The following TLN2 variants were observed in gnomAD, a reference collection of about 807,000 sequenced individuals.
The protein encoded by TLN2 is talin-2.
Under a neutral mutation model 294.7 loss-of-function variants are expected in TLN2, and 118 were observed. The ratio of observed to expected loss-of-function variants is 0.40; its 90% CI spans 0.34 to 0.47. The LOEUF is 0.47. Ranked by LOEUF, TLN2 falls within the 20% of genes least tolerant of loss-of-function variation. TLN2 has a pLI of 0.84. For synonymous variants in TLN2, 1,431 were observed against 1,304.5 expected (o/e 1.10, Z -2.09); for missense variants, 3,083 against 3,282.2 (o/e 0.94, Z 1.48).
intron 45 of TLN2, among the ~76,000 whole-genome samples, chr15:62,785,622 G>A (rs1341839841): frequency 7.5e-6 from 1 of 133,118 alleles, no homozygotes; most frequent in African/African-American, 2.9e-5. Flanking sequence ...CTGCCCTTTA[G>A]CCTAGGCAAC....
At chr15:62,757,669 G>A (rs548370036) in intron 37 of TLN2, among the ~76,000 whole-genome samples, 12 of 152,232 alleles carry the variant, frequency 7.9e-5, no homozygotes, top group Admixed American at 2.6e-4. Flanking sequence ...ATGAGCTCTC[G>A]TGATGGCCTA....
At chr15:62,434,887 C>G (rs190197881) in intron 1 of TLN2, among the ~76,000 whole-genome samples, 258 of 152,320 alleles carry the variant, frequency 1.7e-3, no homozygotes, top group African/African-American at 5.9e-3. Flanking sequence ...GTATTAAGCC[C>G]AGCATCCATT....
At position 62,781,238 on chromosome 15, in the gene TLN2, A is replaced by G; in HGVS notation, c.5613A>G (p.Glu1871=). Residue 1871 remains glutamate, a synonymous_variant, in exon 44 of 59, where the codon GAA becomes GAG. Coordinates refer to ENST00000636159, the MANE Select transcript of TLN2 (RefSeq NM_015059.3). ...YSKAIAVTAQ[E]MMTKSVTNPE... ...AAGCCATTGCGGTGACAGCTCAGGA[A>G]ATGGTAAGAGGGAAGAGAGCTGCCC... is the stretch of plus-strand genomic sequence containing the variant. 4.3e-6 allele frequency: 7 copies of G among 1,613,292 alleles called. No homozygotes were observed. The highest frequency in any genetic ancestry group is 1.1e-5 in the South Asian group (1 of 91,064).
chr15:62,698,179 C>T (rs1451276251), intron 15 of TLN2, among the ~76,000 whole-genome samples: 4 of 152,126 alleles, frequency 2.6e-5, no homozygotes, highest in East Asian at 1.9e-4. Context: ...TCTGAGAAGT[C>T]GACCAGGTTT....
chr15:62,518,849 C>T (rs1195422802), intron 1 of TLN2, among the ~76,000 whole-genome samples: 2 of 152,148 alleles, frequency 1.3e-5, no homozygotes, highest in Non-Finnish European at 2.9e-5. Context: ...CCACCAGCCT[C>T]AGCCTCCCAA....
At chr15:62,643,610 G>A (rs936121006) in intron 3 of TLN2, among the ~76,000 whole-genome samples, 1 of 151,854 alleles carries the variant, frequency 6.6e-6, no homozygotes. Flanking sequence ...TAAGGATGAG[G>A]AGACTGAGGA....
At position 62,805,602 on chromosome 15, in the gene TLN2, G is replaced by T; in HGVS notation, c.6480G>T (p.Val2160=). 1.3e-6 allele frequency: 2 copies of T among 1,592,644 alleles called. No individual in the cohort carries two copies. The highest frequency in any genetic ancestry group is 1.7e-6 in the Non-Finnish European group (2 of 1,165,520). The part of the protein sequence containing the change: ...TIECIKQELT[V]FQSKDVPEKT... ...ACCTCTCTGTTTCTGACTTCCAGGT[G>T]TTCCAGTCAAAAGACGTACCTGAAA... The change falls in exon 51 of 59, where the codon GTG becomes GTT. Residue 2160 remains valine, a splice_region_variant and synonymous_variant. Coordinates refer to ENST00000636159, the MANE Select transcript of TLN2 (RefSeq NM_015059.3).
At chr15:62,498,633 AT>A (rs1228150551) in intron 1 of TLN2, among the ~76,000 whole-genome samples, 1 of 152,122 alleles carries the variant, frequency 6.6e-6, no homozygotes, top group Non-Finnish European at 1.5e-5. Context: ...AAGTCTGATG[AT>A]ATCCCAGTGT....
At chr15:62,640,191 T>C (rs954696655) in intron 3 of TLN2, 1 of 455,906 alleles carries the variant, frequency 2.2e-6, no homozygotes, top group Non-Finnish European at 4.4e-6. Context: ...TCCTCTCTTG[T>C]AGAAGACAGG....
At chr15:62,752,497 A>G in intron 35 of TLN2, 70 bp downstream of exon 35, 1 of 1,569,638 alleles carries the variant, frequency 6.4e-7, no homozygotes, top group Non-Finnish European at 8.7e-7. Context: ...GGGGAACTCC[A>G]GCTGCACCTC....
At chr15:62,475,296 G>T (rs548881941) in intron 1 of TLN2, among the ~76,000 whole-genome samples, 3 of 152,164 alleles carry the variant, frequency 2.0e-5, no homozygotes, top group African/African-American at 7.2e-5. Context: ...TGTTCCAAAA[G>T]TGTAACAGAA....
intron 54 of TLN2, among the ~76,000 whole-genome samples, chr15:62,825,808 T>TATATTATATAATATATATATAATATA (rs1555521948): frequency 1.7e-4 from 1 of 5,812 alleles, no homozygotes; most frequent in African/African-American, 3.9e-4. Context: ...ATATTATATA[T>TATATTATATAATATATATATAATATA]TATATTATAA....
In TLN2 at chr15:62,673,310, C is replaced by CT. The variant is rs56258541; in HGVS notation, c.789-499dup. Among the ~76,000 whole-genome samples the CT allele has an allele frequency of 2.1e-3, 88 of 42,898 alleles. 11 individuals carry two copies. The South Asian group carries it at 0.04, about 19-fold the overall frequency. 28.1% of individuals were successfully genotyped at this position (42,898 alleles called of 152,430 possible). On this transcript the variant is annotated intron_variant, in intron 9 of 58. Transcript: ENST00000636159. ...GTTTGCTTTAGATTTTTAGATGTTG[C>CT]TTTTTTTTTTTTTTTTTTGCAATTT...
chr15:62,755,381 G>C (rs1436495395), intron 36 of TLN2, 151 bp from the exon 37 acceptor site: 1 of 910,864 alleles, frequency 1.1e-6, no homozygotes, highest in East Asian at 2.9e-5. Flanking sequence ...CCTCTTTCTT[G>C]GAGTGACTTT....
chr15:62,670,361 C>G (rs72755862), intron 9 of TLN2, among the ~76,000 whole-genome samples: 2 of 152,324 alleles, frequency 1.3e-5, no homozygotes, highest in African/African-American at 2.4e-5. Context: ...GCTACTTACT[C>G]ACAAGTCCTG....
chr15:62,739,249 G>C (rs1245302712), intron 30 of TLN2, 99 bp from the exon 31 acceptor site: 27 of 1,327,186 alleles, frequency 2.0e-5, no homozygotes, highest in Non-Finnish European at 2.4e-5. Flanking sequence ...TGACTCAAAT[G>C]CATCTCTGAA....
At chr15:62,804,506 A>G (rs1224520330) in intron 50 of TLN2, among the ~76,000 whole-genome samples, 1 of 152,116 alleles carries the variant, frequency 6.6e-6, no homozygotes, top group African/African-American at 2.4e-5. Flanking sequence ...GCTGAGGTGG[A>G]AGACTCACTT....
At chr15:62,492,902 T>C (rs1191315772) in intron 1 of TLN2, among the ~76,000 whole-genome samples, 1 of 152,206 alleles carries the variant, frequency 6.6e-6, no homozygotes, top group African/African-American at 2.4e-5. Context: ...TCAATGCTGC[T>C]TTGGAAAAGT....
At chr15:62,481,106 T>C (rs950614883) in intron 1 of TLN2, among the ~76,000 whole-genome samples, 5 of 152,228 alleles carry the variant, frequency 3.3e-5, no homozygotes, top group Non-Finnish European at 7.3e-5. Context: ...AGACGTCTAA[T>C]CACAATTCTC....
Sources: allele counts gnomAD v4.1 joint callset (sites outside exome capture counted in the v4.1 genomes callset), GRCh38; gene constraint gnomAD v4.1.1; transcripts MANE v1.5; gene names NCBI Gene and HGNC (gene_info 2026-07-23, HGNC 2026-07-21).